Variants in PPP1R21 observed in about 807,000 individuals in gnomAD.
PPP1R21 encodes the protein KLRAQ motif containing 1.
In PPP1R21, 85 loss-of-function variants were observed where a neutral mutation model predicts 112.8. That is an observed-to-expected ratio of 0.75 (90% CI 0.63 to 0.90). PPP1R21 has a LOEUF of 0.90. Ranked by LOEUF, PPP1R21 falls within the 40% of genes least tolerant of loss-of-function variation. The pLI is 0.00. For missense variants in PPP1R21, 1,199 were observed against 901.5 expected (o/e 1.33, Z -4.23); for synonymous variants, 381 against 322.3 (o/e 1.18, Z -1.95).
At chr2:48,500,366 A>G (rs1406224174) in intron 17 of PPP1R21, among the ~76,000 whole-genome samples, 1 of 152,112 alleles carries the variant, frequency 6.6e-6, no homozygotes, top group Admixed American at 6.6e-5. Flanking sequence ...TTGAATCTAG[A>G]TACTAGATAT....
rs1042335762 is a variant in PPP1R21, at chr2:48,479,915, A to T, written c.1226-9A>T. ...GAAAATGCTTAGATTTGTGATTTTG[A>T]TTTCCTAGGTACAGAGCCAGATGGA... On this transcript the variant is annotated splice_polypyrimidine_tract_variant and intron_variant, in intron 12 of 21. Transcript: ENST00000294952. 3.2e-6 allele frequency: 5 copies of T among 1,572,332 alleles called. No homozygotes were observed. The highest frequency in any genetic ancestry group is 4.4e-6 in the Non-Finnish European group (5 of 1,142,082).
At chr2:48,458,055 G>A in intron 3 of PPP1R21, 71 bp from the exon 4 acceptor site, 1 of 977,504 alleles carries the variant, frequency 1.0e-6, no homozygotes. Flanking sequence ...AGATGATAGA[G>A]AATCTGTGTA....
chr2:48,472,582 C>T (rs1197197109), intron 11 of PPP1R21, among the ~76,000 whole-genome samples: 1 of 151,120 alleles, frequency 6.6e-6, no homozygotes, highest in Non-Finnish European at 1.5e-5. Context: ...GCCAAGGTCA[C>T]ATCACTGCAC....
At chr2:48,455,303 C>A (rs1332539283) in intron 3 of PPP1R21, among the ~76,000 whole-genome samples, 1 of 151,894 alleles carries the variant, frequency 6.6e-6, no homozygotes, top group Non-Finnish European at 1.5e-5. Flanking sequence ...TGTGGCACTC[C>A]CAGCTAATTT....
At chr2:48,488,867 A>G (rs1359148558) in intron 14 of PPP1R21, among the ~76,000 whole-genome samples, 2 of 152,234 alleles carry the variant, frequency 1.3e-5, no homozygotes, top group Non-Finnish European at 2.9e-5. Flanking sequence ...TATTCATATT[A>G]AAGAAAGTTT....
intron 19 of PPP1R21, among the ~76,000 whole-genome samples, chr2:48,507,856 C>T (rs369722552): frequency 7.0e-6 from 1 of 143,576 alleles, no homozygotes; most frequent in East Asian, 2.1e-4. Flanking sequence ...ACCTCCGCCT[C>T]CTGGGTTCGA....
chr2:48,452,771 G>A (rs1473003265), intron 2 of PPP1R21, among the ~76,000 whole-genome samples: 1 of 151,828 alleles, frequency 6.6e-6, no homozygotes, highest in Admixed American at 6.6e-5. Flanking sequence ...TTTGGACATG[G>A]GCTAGGCCTA....
intron 3 of PPP1R21, among the ~76,000 whole-genome samples, chr2:48,455,010 G>C (rs1465755944): frequency 6.6e-6 from 1 of 151,942 alleles, no homozygotes; most frequent in Non-Finnish European, 1.5e-5. Flanking sequence ...GCTAATTTTT[G>C]TATTTTTTGT....
intron 17 of PPP1R21, among the ~76,000 whole-genome samples, chr2:48,501,596 T>C (rs1365808236): frequency 1.3e-5 from 2 of 152,166 alleles, no homozygotes; most frequent in Non-Finnish European, 2.9e-5. Context: ...CCCTGCCCTC[T>C]TAACCAAGAT....
intron 17 of PPP1R21, among the ~76,000 whole-genome samples, chr2:48,499,282 A>G (rs570024398): frequency 2.0e-5 from 3 of 152,232 alleles, no homozygotes; most frequent in Non-Finnish European, 2.9e-5. Flanking sequence ...GTGATTTTAC[A>G]TGAGACTTCC....
intron 19 of PPP1R21, 148 bp from the exon 20 acceptor site, chr2:48,509,867 G>T: frequency 1.9e-6 from 1 of 525,138 alleles, no homozygotes; most frequent in Non-Finnish European, 3.4e-6. Flanking sequence ...TCTGATGTGT[G>T]ACACAATGCC....
intron 13 of PPP1R21, among the ~76,000 whole-genome samples, chr2:48,484,217 TAATA>T (rs1257335300): frequency 6.6e-6 from 1 of 152,202 alleles, no homozygotes; most frequent in East Asian, 1.9e-4. Flanking sequence ...AAGTTCCTCC[TAATA>T]AATCATCCTA....
intron 11 of PPP1R21, among the ~76,000 whole-genome samples, chr2:48,471,745 C>G (rs952760525): frequency 6.6e-6 from 1 of 152,032 alleles, no homozygotes; most frequent in Non-Finnish European, 1.5e-5. Context: ...AACTAAAAAC[C>G]TTATCTACTC....
intron 7 of PPP1R21, among the ~76,000 whole-genome samples, chr2:48,463,742 T>G (rs1168583355): frequency 6.6e-6 from 1 of 151,986 alleles, no homozygotes; most frequent in Non-Finnish European, 1.5e-5. Flanking sequence ...AGTGATTATG[T>G]CCTAAGGTCC....
Position 48,498,699 on chromosome 2 carries a change from T to TA in PPP1R21, c.1901dup (p.Ala635GlyfsTer20). 1 of 1,614,116 alleles carries TA rather than the reference T, an allele frequency of 6.2e-7. No individual in the cohort carries two copies. The highest frequency in any genetic ancestry group is 8.5e-7 in the Non-Finnish European group (1 of 1,179,938). On this transcript the variant is annotated frameshift_variant, in exon 17 of 22. Coordinates refer to ENST00000294952, the MANE Select transcript of PPP1R21 (RefSeq NM_001135629.3). LOFTEE classifies it high-confidence loss of function. ...CTGCTGGCCAGGATGAAGCCACAGC[T>TA]AAGGCTGTGTTGGAGCCCATTCAGA... is the stretch of plus-strand genomic sequence containing the variant.
chr2:48,482,803 TA>T (rs775030863), intron 13 of PPP1R21, among the ~76,000 whole-genome samples: 7 of 152,144 alleles, frequency 4.6e-5, no homozygotes, highest in Non-Finnish European at 1.0e-4. Flanking sequence ...AGTTCAGGGG[TA>T]AATGTGCAGG....
Position 48,498,691 on chromosome 2 carries a change from G to T in PPP1R21, c.1891G>T (p.Ala631Ser). The change falls in exon 17 of 22, where the codon GCC becomes TCC. Residue 631 changes from alanine (A) to serine (S), a missense_variant. Coordinates refer to ENST00000294952, the MANE Select transcript of PPP1R21 (RefSeq NM_001135629.3). The stretch of plus-strand genomic sequence containing the variant: ...GTCAAATACTGCTGGCCAGGATGAA[G>T]CCACAGCTAAGGCTGTGTTGGAGCC... Reference protein sequence around the residue: ...AVSNTAGQDEATAKAVLEPIQ... With the variant: ...AVSNTAGQDESTAKAVLEPIQ... 3 of 1,614,198 alleles carry T rather than the reference G, an allele frequency of 1.9e-6. No homozygotes were observed. Among genetic ancestry groups the T allele is most frequent in the Non-Finnish European group, 2.5e-6 (3 of 1,180,018 alleles).
At chr2:48,483,493 A>T (rs1669129991) in intron 13 of PPP1R21, among the ~76,000 whole-genome samples, 1 of 152,152 alleles carries the variant, frequency 6.6e-6, no homozygotes, top group African/African-American at 2.4e-5. Flanking sequence ...CAATGTCAAA[A>T]TCCTAAAATT....
intron 21 of PPP1R21, among the ~76,000 whole-genome samples, chr2:48,514,056 CAAT>C (rs1670757856): frequency 7.1e-6 from 1 of 141,786 alleles, no homozygotes; most frequent in South Asian, 2.2e-4. Flanking sequence ...TTTATTTAAA[CAAT>C]GACGAGACAT....
Sources: allele counts gnomAD v4.1 joint callset (sites outside exome capture counted in the v4.1 genomes callset), GRCh38; gene constraint gnomAD v4.1.1; transcripts MANE v1.5; gene names NCBI Gene and HGNC (gene_info 2026-07-23, HGNC 2026-07-21).